The following NEDD4L variants were observed in gnomAD, a reference collection of about 807,000 sequenced individuals.
The protein encoded by NEDD4L is NEDD4 like E3 ubiquitin protein ligase, also known as E3 ubiquitin-protein ligase NEDD4-like.
A neutral mutation model predicts 148.9 loss-of-function variants in NEDD4L; 54 were observed. The ratio of observed to expected loss-of-function variants is 0.36; its 90% confidence interval spans 0.29 to 0.45. NEDD4L has a LOEUF of 0.45. Among genes scored for constraint, NEDD4L ranks in the 20% least tolerant of loss-of-function variants. NEDD4L has a pLI of 1.00. For synonymous variants in NEDD4L, 433 were observed against 440.7 expected (o/e 0.98, Z 0.22); for missense variants, 856 against 1,233.8 (o/e 0.69, Z 4.59).
intron 2 of NEDD4L, among the ~76,000 whole-genome samples, chr18:58,213,727 T>A (rs2042842342): frequency 6.6e-6 from 1 of 152,208 alleles, no homozygotes; most frequent in South Asian, 2.1e-4. Flanking sequence ...GCTCCTTCTC[T>A]TAGGTCTTGA....
intron 1 of NEDD4L, among the ~76,000 whole-genome samples, chr18:58,089,711 A>G (rs116548692): frequency 0.013 from 2,027 of 152,300 alleles, 43 homozygotes; most frequent in African/African-American, 0.046. Context: ...CTTTCCTGGC[A>G]GTTCTACAGG....
intron 1 of NEDD4L, among the ~76,000 whole-genome samples, chr18:58,065,744 G>A (rs926687726): frequency 2.6e-5 from 4 of 152,182 alleles, no homozygotes; most frequent in Admixed American, 2.0e-4. Flanking sequence ...TCATTCAAAT[G>A]GCCTTAACGA....
intron 2 of NEDD4L, among the ~76,000 whole-genome samples, chr18:58,241,275 T>C (rs1242139081): frequency 1.3e-5 from 2 of 152,234 alleles, no homozygotes; most frequent in Non-Finnish European, 2.9e-5. Flanking sequence ...CATGTACTAA[T>C]TGATGAAGAC....
At chr18:58,099,195 T>C (rs988524953) in intron 1 of NEDD4L, among the ~76,000 whole-genome samples, 19 of 152,192 alleles carry the variant, frequency 1.2e-4, no homozygotes, top group Non-Finnish European at 2.2e-4. Context: ...CCTTTTTTTT[T>C]TGGAGACAAG....
intron 5 of NEDD4L, among the ~76,000 whole-genome samples, chr18:58,289,208 G>C (rs773827222): frequency 2.0e-5 from 3 of 152,146 alleles, no homozygotes; most frequent in Non-Finnish European, 2.9e-5. Context: ...GTACAAATTA[G>C]CTCAGATTCA....
chr18:58,262,334 T>C (rs1161780472), intron 5 of NEDD4L, among the ~76,000 whole-genome samples: 1 of 152,180 alleles, frequency 6.6e-6, no homozygotes, highest in Admixed American at 6.5e-5. Flanking sequence ...ATAAAATGTT[T>C]TTAAGAAATG....
chr18:58,352,485 T>C (rs2044026009), intron 18 of NEDD4L, among the ~76,000 whole-genome samples: 1 of 151,960 alleles, frequency 6.6e-6, no homozygotes, highest in Non-Finnish European at 1.5e-5. Context: ...TGAAACCCCG[T>C]CTCTACTAAA....
chr18:58,139,443 A>G (rs2033241072), intron 1 of NEDD4L, among the ~76,000 whole-genome samples: 1 of 152,188 alleles, frequency 6.6e-6, no homozygotes, highest in South Asian at 2.1e-4. Flanking sequence ...AGATAATCCT[A>G]TCAACTTTAG....
At position 58,296,116 on chromosome 18, in the gene NEDD4L, A is replaced by G. The variant is rs946127677; in HGVS notation, c.298-19866A>G. On this transcript the variant is annotated intron_variant, in intron 5 of 30. Transcript: ENST00000400345. Reference sequence around the variant, plus strand: ...CGGCAGACCTTCCGACAGTCTCCTCATCTCTCTTGTGGAATTTGAGTTTGA... The same window carrying G: ...CGGCAGACCTTCCGACAGTCTCCTCGTCTCTCTTGTGGAATTTGAGTTTGA... Among the ~76,000 whole-genome samples, 10 of 152,124 alleles carry G rather than the reference A, an allele frequency of 6.6e-5. No individual in the cohort carries two copies. The South Asian group carries it at 2.1e-3, about 32-fold the overall frequency.
intron 5 of NEDD4L, among the ~76,000 whole-genome samples, chr18:58,278,731 A>G (rs1313007931): frequency 1.3e-5 from 2 of 151,932 alleles, no homozygotes; most frequent in African/African-American, 2.4e-5. Flanking sequence ...TCCTACCTCC[A>G]TCATTGTGCC....
At chr18:58,325,190 C>CT (rs2059202337) in intron 9 of NEDD4L, 28 bp downstream of exon 9, 1 of 1,611,258 alleles carries the variant, frequency 6.2e-7, no homozygotes, top group Non-Finnish European at 8.5e-7. Flanking sequence ...GTCAGGAACA[C>CT]GTGCACGTGC....
intron 2 of NEDD4L, among the ~76,000 whole-genome samples, chr18:58,226,613 G>A (rs182752033): frequency 4.3e-4 from 65 of 152,294 alleles, no homozygotes; most frequent in Non-Finnish European, 8.1e-4. Flanking sequence ...GTGAGCAGGG[G>A]CATGAGTTCC....
At chr18:58,252,659 A>G (rs1039767876) in intron 5 of NEDD4L, among the ~76,000 whole-genome samples, 1 of 152,220 alleles carries the variant, frequency 6.6e-6, no homozygotes, top group African/African-American at 2.4e-5. Context: ...AGATTGATGT[A>G]TATATAATAT....
intron 2 of NEDD4L, among the ~76,000 whole-genome samples, chr18:58,225,747 GTGAC>G: frequency 6.6e-6 from 1 of 152,158 alleles, no homozygotes; most frequent in Non-Finnish European, 1.5e-5. Context: ...ACAGCCATCT[GTGAC>G]CACCTACCTC....
At chr18:58,327,389 G>A (rs777014744) in intron 9 of NEDD4L, among the ~76,000 whole-genome samples, 4 of 152,254 alleles carry the variant, frequency 2.6e-5, no homozygotes, top group Middle Eastern at 3.4e-3. Flanking sequence ...GACCCACCAC[G>A]CCCGGCTGAA....
At chr18:58,114,581 G>C (rs2085652183) in intron 1 of NEDD4L, among the ~76,000 whole-genome samples, 1 of 152,348 alleles carries the variant, frequency 6.6e-6, no homozygotes, top group Admixed American at 6.5e-5. Context: ...TGGACTTTCT[G>C]GAGCATCCCA....
chr18:58,128,304 C>T lies in NEDD4L; in HGVS notation c.49-37484C>T, dbSNP rs1183723139. On this transcript the variant is annotated intron_variant, in intron 1 of 30. Transcript: ENST00000400345. The stretch of plus-strand genomic sequence containing the variant: ...TCAGGTGATCCACCCGCCTCGGCCT[C>T]CCAGCGTGCTCATTTATTTATTTTA... 3.3e-5 allele frequency among the ~76,000 whole-genome samples: 5 copies of T among 152,322 alleles called. No homozygotes were observed. In the East Asian group the frequency reaches 9.7e-4, roughly 29 times the overall value.
chr18:58,100,946 C>T (rs1372438072), intron 1 of NEDD4L, among the ~76,000 whole-genome samples: 2 of 152,100 alleles, frequency 1.3e-5, no homozygotes, highest in East Asian at 1.9e-4. Context: ...GCTGGGATGA[C>T]AGGCGCACAC....
chr18:58,316,233 G>C (rs924458420), intron 6 of NEDD4L, among the ~76,000 whole-genome samples: 1 of 152,066 alleles, frequency 6.6e-6, no homozygotes, highest in Admixed American at 6.5e-5. Context: ...AGTAGTCAAG[G>C]GTGCCTGAGT....
Sources: gnomAD v4.1 joint callset for allele counts (sites outside exome capture counted in the v4.1 genomes callset) on GRCh38, gnomAD v4.1.1 for gene constraint, MANE v1.5 for transcripts, NCBI Gene and HGNC (gene_info 2026-07-23, HGNC 2026-07-21) for gene names.